The following PEX1 variants were observed in gnomAD, a reference collection of about 807,000 sequenced individuals.
PEX1 encodes the protein peroxisomal ATPase PEX1.
In PEX1, 97 loss-of-function variants were observed where a neutral mutation model predicts 152.5. That is an observed-to-expected ratio of 0.64 (90% confidence interval 0.54 to 0.75). PEX1 has a LOEUF of 0.75. Among genes scored for constraint, PEX1 ranks in the 30% least tolerant of loss-of-function variants. The pLI, the probability that PEX1 is intolerant of heterozygous loss-of-function variation, is 0.00. For missense variants in PEX1, 1,357 were observed against 1,516.3 expected (o/e 0.89, Z 1.74); for synonymous variants, 485 against 531.6 (o/e 0.91, Z 1.21).
rs1411832129 is a variant in PEX1 at position 92,503,059 on chromosome 7, G to T, written c.2208C>A (p.His736Gln). ...GTATTACCTGATTAGGAGGCTGAAT[G>T]TGTTGGACGCACTGAAATATGTGAA... ...QGVHIFQCVQ[H>Q]IQPPNQEQRC... Residue 736 changes from histidine to glutamine, a missense_variant, in exon 13 of 24, where the codon CAC (histidine) becomes CAA (glutamine). Physicochemically the swap from His to Gln is conservative, Grantham distance 24 (BLOSUM62 0). Coordinates refer to ENST00000248633, the MANE Select transcript of PEX1 (RefSeq NM_000466.3). The T allele has an allele frequency of 3.7e-6, 6 of 1,613,390 alleles. No homozygotes were observed. The highest frequency in any genetic ancestry group is 5.1e-6 in the Non-Finnish European group (6 of 1,179,410).
At chr7:92,492,322 T>C (rs1344488827) in intron 20 of PEX1, among the ~76,000 whole-genome samples, 1 of 152,142 alleles carries the variant, frequency 6.6e-6, no homozygotes, top group Non-Finnish European at 1.5e-5. Flanking sequence ...TTTTAAATTT[T>C]TCACAGAGAC....
chr7:92,516,555 C>T (rs184137578), intron 5 of PEX1, among the ~76,000 whole-genome samples: 61 of 152,242 alleles, frequency 4.0e-4, no homozygotes, highest in African/African-American at 1.4e-3. Flanking sequence ...AGACAACCTT[C>T]TCTTTCTATT....
chr7:92,516,046 G>A (rs150326231), intron 5 of PEX1, among the ~76,000 whole-genome samples: 3,296 of 90,566 alleles, frequency 0.036, 50 homozygotes, highest in East Asian at 0.088. Flanking sequence ...GAGAAGAGAA[G>A]AGAAGAGAAA....
chr7:92,492,920 A>C lies in PEX1; in HGVS notation c.3207+33T>G, dbSNP rs1158962462. 2.6e-6 allele frequency: 4 copies of C among 1,557,712 alleles called. No homozygotes were observed. The South Asian group carries it at 4.4e-5, about 17-fold the overall frequency. ...ACATTGTACTTCTTTTATCACTCAT[A>C]AAATGTCATAACAACTTCCTCATAT... On this transcript the variant is annotated intron_variant, in intron 20 of 23. Coordinates refer to ENST00000248633, the MANE Select transcript of PEX1 (RefSeq NM_000466.3).
intron 17 of PEX1, among the ~76,000 whole-genome samples, chr7:92,496,163 C>T: frequency 6.6e-6 from 1 of 151,994 alleles, no homozygotes; most frequent in Non-Finnish European, 1.5e-5. Flanking sequence ...TAACTGTATA[C>T]TTTATAATAA....
At chr7:92,500,638 G>T (rs1791882788) in intron 15 of PEX1, among the ~76,000 whole-genome samples, 1 of 152,160 alleles carries the variant, frequency 6.6e-6, no homozygotes, top group Non-Finnish European at 1.5e-5. Context: ...ACATGTCCCA[G>T]GCCCCAGTGG....
intron 5 of PEX1, among the ~76,000 whole-genome samples, chr7:92,516,552 C>T (rs1792796370): frequency 6.6e-6 from 1 of 151,862 alleles, no homozygotes; most frequent in Admixed American, 6.6e-5. Flanking sequence ...AGGAGACAAC[C>T]TTCTCTTTCT....
At chr7:92,526,647 CAATT>C (rs1289343499) in intron 1 of PEX1, among the ~76,000 whole-genome samples, 5 of 152,138 alleles carry the variant, frequency 3.3e-5, no homozygotes, top group Non-Finnish European at 7.4e-5. Context: ...TCATAGTAAA[CAATT>C]AAATAAATTA....
Position 92,522,255 on chromosome 7 carries a change from T to C in PEX1, c.130-10A>G. ...CTTCTATAGCTTGATTCTATTCATATAAGAAATGAGAGGAAAAAAGGTTTT... is the reference window on the plus strand; with the variant it reads ...CTTCTATAGCTTGATTCTATTCATACAAGAAATGAGAGGAAAAAAGGTTTT... On this transcript the variant is annotated splice_polypyrimidine_tract_variant and intron_variant, in intron 1 of 23. Transcript: ENST00000248633. 1 of 1,613,538 alleles carries C rather than the reference T, an allele frequency of 6.2e-7. No homozygotes were observed. Among genetic ancestry groups the C allele is most frequent in the Non-Finnish European group, 8.5e-7 (1 of 1,179,748 alleles).
chr7:92,527,705 GA>G (rs755003033), intron 1 of PEX1, among the ~76,000 whole-genome samples: 25 of 152,228 alleles, frequency 1.6e-4, no homozygotes, highest in Admixed American at 2.6e-4. Flanking sequence ...CCAGTGGTTA[GA>G]ACTGTGAAAC....
chr7:92,504,488 A>G (rs1311911494), intron 12 of PEX1, among the ~76,000 whole-genome samples: 1 of 152,176 alleles, frequency 6.6e-6, no homozygotes, highest in Non-Finnish European at 1.5e-5. Context: ...TTAAACAATA[A>G]GTAAGGGAGA....
chr7:92,510,965 C>G lies in PEX1; in HGVS notation c.1566G>C (p.Leu522Phe), dbSNP rs145471560. Reference protein sequence around the residue: ...DKNIFLLSPNLLQKTTIQVLL... With the variant: ...DKNIFLLSPNFLQKTTIQVLL... ...TTACTTGTATTGTAGTCTTCTGCAG[C>G]AAATTGGGACTCAACAGAAAAATAT... Residue 522 changes from leucine (L) to phenylalanine (F), a missense_variant, in exon 8 of 24, where the codon TTG (leucine) becomes TTC (phenylalanine). By Grantham distance (22) the Leu-to-Phe change is conservative. Coordinates refer to ENST00000248633, the MANE Select transcript of PEX1 (RefSeq NM_000466.3). 113 of 1,550,936 alleles carry G rather than the reference C, an allele frequency of 7.3e-5. 1 individual carries two copies. The East Asian group carries it at 2.5e-3, about 35-fold the overall frequency.
At chr7:92,495,547 A>C (rs571130511) in intron 17 of PEX1, among the ~76,000 whole-genome samples, 4 of 152,160 alleles carry the variant, frequency 2.6e-5, no homozygotes, top group Non-Finnish European at 5.9e-5. Flanking sequence ...ATTTTGGTCA[A>C]TTTTGTTTTT....
At chr7:92,517,172 T>C in intron 5 of PEX1, 104 bp downstream of exon 5, 1 of 976,716 alleles carries the variant, frequency 1.0e-6, no homozygotes, top group Non-Finnish European at 1.6e-6. Context: ...CTGTGTTTCT[T>C]TTTAATTGAT....
At position 92,517,616 on chromosome 7, in the gene PEX1, G is replaced by A. The variant is rs769114978; in HGVS notation, c.899C>T (p.Ala300Val). The change falls in exon 5 of 24, where the codon GCG (alanine) becomes GTG (valine). Residue 300 changes from alanine to valine, a missense_variant. Coordinates refer to ENST00000248633, the MANE Select transcript of PEX1 (RefSeq NM_000466.3). ...TTTATGAAAAACAGAGGTTGCTGAC[G>A]CGTTATATATACTAGGAGGTTGAGA... is the stretch of plus-strand genomic sequence containing the variant. ...CKSQPPSIYN[A>V]SATSVFHKHC... The A allele has an allele frequency of 2.1e-5, 34 of 1,613,814 alleles. No individual in the cohort carries two copies. Among genetic ancestry groups the A allele is most frequent in the African/African-American group, 4.0e-5 (3 of 74,876 alleles).
Position 92,509,140 on chromosome 7 carries a change from A to T in PEX1, c.1670+189T>A, listed in dbSNP as rs374370783. Among the ~76,000 whole-genome samples the T allele has an allele frequency of 2.6e-3, 395 of 152,224 alleles. 6 individuals carry two copies. Among genetic ancestry groups the T allele is most frequent in the African/African-American group, 9.1e-3 (380 of 41,560 alleles). ...TAAAAACATAAAAATAAAGAGAAAA[A>T]AAAAAAGACGACAAGGCAAATTATA... On this transcript the variant is annotated intron_variant, in intron 9 of 23. Coordinates refer to ENST00000248633, the MANE Select transcript of PEX1 (RefSeq NM_000466.3).
chr7:92,523,292 C>T lies in PEX1; in HGVS notation c.130-1047G>A, dbSNP rs552311748. Among the ~76,000 whole-genome samples the T allele has an allele frequency of 7.2e-5, 11 of 152,102 alleles. 1 individual carries two copies. In the South Asian group the frequency reaches 2.1e-3, roughly 29 times the overall value. ...TATAGGCACAATTTAATATCCTTTTCCACTACTTATATTGCATCATAAGCA... is the reference window on the plus strand; with the variant it reads ...TATAGGCACAATTTAATATCCTTTTTCACTACTTATATTGCATCATAAGCA... On this transcript the variant is annotated intron_variant, in intron 1 of 23. Coordinates refer to ENST00000248633, the MANE Select transcript of PEX1 (RefSeq NM_000466.3).
rs1185824054 is a variant in PEX1 at position 92,518,047 on chromosome 7, G to A, written c.473-5C>T. On this transcript the variant is annotated splice_polypyrimidine_tract_variant and splice_region_variant and intron_variant, in intron 4 of 23. Coordinates refer to ENST00000248633, the MANE Select transcript of PEX1 (RefSeq NM_000466.3). ...AGGCAGCTGGTATTAGTGCAACTGT[G>A]TAGAAAATAAAGCTCATTAGTGCAC... 1.2e-6 allele frequency: 2 copies of A among 1,614,090 alleles called. No individual in the cohort carries two copies. Among genetic ancestry groups the A allele is most frequent in the Non-Finnish European group, 1.7e-6 (2 of 1,179,976 alleles).
chr7:92,518,731 G>C (rs1252192087), intron 3 of PEX1, among the ~76,000 whole-genome samples: 1 of 152,114 alleles, frequency 6.6e-6, no homozygotes, highest in Admixed American at 6.5e-5. Flanking sequence ...TACCATGCCT[G>C]GCTAATTTTT....
Sources: allele counts gnomAD v4.1 joint callset (sites outside exome capture counted in the v4.1 genomes callset), GRCh38; gene constraint gnomAD v4.1.1; transcripts MANE v1.5; gene names NCBI Gene and HGNC (gene_info 2026-07-23, HGNC 2026-07-21).